Variants in WWP2 observed in about 807,000 individuals in gnomAD.
WWP2 encodes the protein NEDD4-like E3 ubiquitin-protein ligase WWP2.
In WWP2, 57 loss-of-function variants were observed where a neutral mutation model predicts 121.0. The observed-to-expected ratio is 0.47, with a 90% CI of 0.38 to 0.59. The LOEUF is 0.59. Among genes scored for constraint, WWP2 ranks in the 20% least tolerant of loss-of-function variants. WWP2 has a pLI of 0.00. For synonymous variants in WWP2, 449 were observed against 441.3 expected (o/e 1.02, Z -0.22); for missense variants, 962 against 1,158.9 (o/e 0.83, Z 2.47).
At chr16:69,930,031 C>A in intron 12 of WWP2, 99 bp from the exon 13 acceptor site, 2 of 1,563,200 alleles carry the variant, frequency 1.3e-6, no homozygotes, top group Non-Finnish European at 1.7e-6. Flanking sequence ...CCCTCATGGG[C>A]TCTGCAGAGA....
intron 6 of WWP2, among the ~76,000 whole-genome samples, chr16:69,856,278 A>C (rs1448321518): frequency 3.3e-5 from 5 of 152,150 alleles, no homozygotes; most frequent in Admixed American, 6.6e-5. Flanking sequence ...ACAGAAATCC[A>C]ATCTGAAGAT....
At chr16:69,860,735 C>G (rs1308964206) in intron 6 of WWP2, among the ~76,000 whole-genome samples, 1 of 152,070 alleles carries the variant, frequency 6.6e-6, no homozygotes. Flanking sequence ...CTCTACCCAG[C>G]TCATGCCTCT....
chr16:69,817,876 G>A (rs528527656), intron 4 of WWP2, among the ~76,000 whole-genome samples: 1 of 151,846 alleles, frequency 6.6e-6, no homozygotes, highest in East Asian at 1.9e-4. Flanking sequence ...GATTACAGGT[G>A]TGAGCCATTG....
chr16:69,812,178 T>G (rs2056405070), intron 4 of WWP2, among the ~76,000 whole-genome samples: 1 of 147,278 alleles, frequency 6.8e-6, no homozygotes, highest in African/African-American at 2.6e-5. Context: ...TTTTTTTTTT[T>G]TTTTTTGAGA....
chr16:69,799,546 C>A lies in WWP2; in HGVS notation c.340+251C>A. 2.6e-6 allele frequency: 1 copy of A among 384,532 alleles called. No homozygotes were observed. Among genetic ancestry groups the A allele is most frequent in the Non-Finnish European group, 4.6e-6 (1 of 216,536 alleles). 23.8% of individuals were successfully genotyped at this position (384,532 alleles called of 1,614,324 possible). A position where few individuals can be genotyped will look rare whatever the true frequency, so the allele number is the denominator to read the frequency against. On this transcript the variant is annotated intron_variant, in intron 4 of 23. Coordinates refer to ENST00000359154, the MANE Select transcript of WWP2 (RefSeq NM_001270454.2). The surrounding 1 kb of genome is among the most constrained non-coding windows in gnomAD (Gnocchi z 4.5). ...GTTGCCCTTTATCCTTCCTTAGGGA[C>A]TGGAAACTTTCTGTCTGCCTCTGCT...
chr16:69,770,417 G>A (rs1282233868), intron 1 of WWP2, among the ~76,000 whole-genome samples: 1 of 152,172 alleles, frequency 6.6e-6, no homozygotes, highest in African/African-American at 2.4e-5. Flanking sequence ...GCTTCTGGAT[G>A]GCTGCACACG....
At position 69,799,726 on chromosome 16, in the gene WWP2, G is replaced by A. The variant is rs1260216018; in HGVS notation, c.340+431G>A. Among the ~76,000 whole-genome samples, 1 of 152,208 alleles carries A rather than the reference G, an allele frequency of 6.6e-6. No individual in the cohort carries two copies. Among genetic ancestry groups the A allele is most frequent in the Admixed American group, 6.5e-5 (1 of 15,280 alleles). ...TGTGTGCATGCCTGTGTGCATGTGT[G>A]CACGTGTGTGTCTGGGATAGTATTA... On this transcript the variant is annotated intron_variant, in intron 4 of 23. Coordinates refer to ENST00000359154, the MANE Select transcript of WWP2 (RefSeq NM_001270454.2). This position sits in a 1 kb window ranked among gnomAD's most constrained non-coding sequence, Gnocchi z 4.5.
At chr16:69,900,316 C>A (rs934977265) in intron 8 of WWP2, among the ~76,000 whole-genome samples, 1 of 152,102 alleles carries the variant, frequency 6.6e-6, no homozygotes, top group Admixed American at 6.6e-5. Flanking sequence ...AACCTTTTAT[C>A]TGCAAAAATG....
At chr16:69,814,813 T>C (rs2056459128) in intron 4 of WWP2, among the ~76,000 whole-genome samples, 1 of 152,108 alleles carries the variant, frequency 6.6e-6, no homozygotes, top group Admixed American at 6.6e-5. Flanking sequence ...TGACAGACAG[T>C]GTACCCATTT....
chr16:69,878,872 GAGCT>G (rs1400159549), intron 7 of WWP2, among the ~76,000 whole-genome samples: 4 of 152,124 alleles, frequency 2.6e-5, no homozygotes, highest in African/African-American at 9.7e-5. Context: ...TTTTAAAAAT[GAGCT>G]CTAGTGTGTA....
At chr16:69,814,975 ATTAG>A (rs1162850052) in intron 4 of WWP2, among the ~76,000 whole-genome samples, 2 of 151,990 alleles carry the variant, frequency 1.3e-5, no homozygotes, top group African/African-American at 4.8e-5. Flanking sequence ...TATTTTTATT[ATTAG>A]TTTTTTAAAA....
intron 2 of WWP2, among the ~76,000 whole-genome samples, chr16:69,795,268 A>ACACACC (rs2056007386): frequency 6.6e-6 from 1 of 151,450 alleles, no homozygotes; most frequent in Admixed American, 6.6e-5. Context: ...ATACACACAC[A>ACACACC]CACACACACA....
chr16:69,799,689 C>T lies in WWP2; in HGVS notation c.340+394C>T, dbSNP rs987755408. Among the ~76,000 whole-genome samples the T allele has an allele frequency of 2.3e-4, 35 of 152,082 alleles. No homozygotes were observed. The highest frequency in any genetic ancestry group is 7.5e-4 in the African/African-American group (31 of 41,396). ...ACAGAACAAAGGAGCTGTGTGTATA[C>T]GTATATGTGTGTGTGTGCATGCCTG... On this transcript the variant is annotated intron_variant, in intron 4 of 23. Coordinates refer to ENST00000359154, the MANE Select transcript of WWP2 (RefSeq NM_001270454.2). The surrounding 1 kb of genome is among the most constrained non-coding windows in gnomAD (Gnocchi z 4.5).
chr16:69,880,120 G>A lies in WWP2; in HGVS notation c.704-7919G>A, dbSNP rs546067378. On this transcript the variant is annotated intron_variant, in intron 7 of 23. Transcript: ENST00000359154. ...CATTAGAATTTATAGTGTTATATGT[G>A]TCACTATAATATATAACTATAAATA... 2.4e-3 allele frequency among the ~76,000 whole-genome samples: 367 copies of A among 150,150 alleles called. 2 individuals are homozygous for A. Among genetic ancestry groups the A allele is most frequent in the Non-Finnish European group, 4.0e-3 (273 of 67,692 alleles).
intron 4 of WWP2, among the ~76,000 whole-genome samples, chr16:69,807,229 T>G (rs2056297577): frequency 6.6e-6 from 1 of 152,034 alleles, no homozygotes; most frequent in Non-Finnish European, 1.5e-5. Flanking sequence ...GAGATGGGGT[T>G]TCACCATGTT....
At chr16:69,910,757 T>C (rs770191509) in intron 9 of WWP2, among the ~76,000 whole-genome samples, 2 of 152,170 alleles carry the variant, frequency 1.3e-5, no homozygotes, top group Non-Finnish European at 2.9e-5. Context: ...ACGTAGGCCT[T>C]GACCCAGTGA....
At position 69,925,210 on chromosome 16, in the gene WWP2, C is replaced by T. The variant is rs2058622064; in HGVS notation, c.1180-220C>T. On this transcript the variant is annotated intron_variant, in intron 10 of 23. Coordinates refer to ENST00000359154, the MANE Select transcript of WWP2 (RefSeq NM_001270454.2). The surrounding 1 kb of genome is among the most constrained non-coding windows in gnomAD (Gnocchi z 4.0). ...GCCTTTTCCAAAACTCACTTGGGCC[C>T]TCCGTGCGCAGGGTTCTTTTTTGGT... 5 of 1,394,432 alleles carry T rather than the reference C, an allele frequency of 3.6e-6. No homozygotes were observed. Among genetic ancestry groups the T allele is most frequent in the African/African-American group, 1.4e-5 (1 of 69,184 alleles). The allele number at this position is 1,394,432 out of a possible 1,614,324, so 86.4% of individuals were successfully genotyped here.
chr16:69,925,404 T>A lies in WWP2; in HGVS notation c.1180-26T>A, dbSNP rs201934863. 2 of 1,609,924 alleles carry A rather than the reference T, an allele frequency of 1.2e-6. No homozygotes were observed. The highest frequency in any genetic ancestry group is 1.7e-6 in the Non-Finnish European group (2 of 1,178,782). ...CACCAGTGGCTTTTTGTAACCTCTG[T>A]GTTCTGCTGTGTTTCTTGTGTTTAG... On this transcript the variant is annotated intron_variant, in intron 10 of 23. Coordinates refer to ENST00000359154, the MANE Select transcript of WWP2 (RefSeq NM_001270454.2). The surrounding 1 kb of genome is among the most constrained non-coding windows in gnomAD (Gnocchi z 4.0).
intron 2 of WWP2, among the ~76,000 whole-genome samples, chr16:69,791,638 C>G (rs1055286170): frequency 2.0e-5 from 3 of 152,206 alleles, no homozygotes; most frequent in African/African-American, 7.2e-5. Flanking sequence ...CCTGCCTCAG[C>G]CTCCTGAGTA....
Sources: gnomAD v4.1 joint callset for allele counts (sites outside exome capture counted in the v4.1 genomes callset) on GRCh38, gnomAD v4.1.1 for gene constraint, Gnocchi (gnomAD v3.1) non-coding constraint, MANE v1.5 for transcripts, NCBI Gene and HGNC (gene_info 2026-07-23, HGNC 2026-07-21) for gene names.